The following LINGO2 variants were observed in gnomAD, a reference collection of about 807,000 sequenced individuals.
LINGO2 encodes the protein leucine-rich repeat and immunoglobulin-like domain-containing nogo receptor-interacting protein 2.
In LINGO2, 14 loss-of-function variants were observed where a neutral mutation model predicts 30.6. That is an observed-to-expected ratio of 0.46 (90% CI 0.30 to 0.72). The LOEUF is 0.72. Among genes scored for constraint, LINGO2 ranks in the 30% least tolerant of loss-of-function variants. LINGO2 has a pLI of 0.07. For missense variants in LINGO2, 729 were observed against 751.7 expected (o/e 0.97, Z 0.35); for synonymous variants, 317 against 288.5 (o/e 1.10, Z -1.00).
rs147337985 is a variant in LINGO2 at position 28,110,636 on chromosome 9, A to G, written c.-86-98231T>C. 4.0e-3 allele frequency among the ~76,000 whole-genome samples: 606 copies of G among 152,176 alleles called. 9 individuals are homozygous for G. Among genetic ancestry groups the G allele is most frequent in the African/African-American group, 0.014 (579 of 41,502 alleles). On this transcript the variant is annotated intron_variant, in intron 4 of 5. Transcript: ENST00000379992. ...TCATGCAGCCAACTAACGTATGAAA[A>G]ACTCATCATCACTGACCATCAGAGA...
At chr9:28,380,193 CAT>C (rs1016403471) in intron 2 of LINGO2, among the ~76,000 whole-genome samples, 7 of 151,998 alleles carry the variant, frequency 4.6e-5, no homozygotes, top group African/African-American at 1.7e-4. Context: ...ATCATTCACT[CAT>C]GTGTTCATTC....
chr9:28,853,138 G>A, the LINGO2 span, among the ~76,000 whole-genome samples: 1 of 152,046 alleles, frequency 6.6e-6, no homozygotes. Context: ...TACAAATGAT[G>A]TTCAAATTAA....
the LINGO2 span, among the ~76,000 whole-genome samples, chr9:29,024,729 C>G: frequency 5.9e-3 from 894 of 152,160 alleles, 8 homozygotes; most frequent in African/African-American, 0.021. Context: ...TGACATAACC[C>G]CTAACCCAGT....
At chr9:28,938,871 T>C in the LINGO2 span, among the ~76,000 whole-genome samples, 3 of 152,162 alleles carry the variant, frequency 2.0e-5, no homozygotes, top group Non-Finnish European at 4.4e-5. Context: ...TATGATTTTG[T>C]CCACTGTGTT....
At chr9:28,882,643 C>A in the LINGO2 span, among the ~76,000 whole-genome samples, 1 of 152,054 alleles carries the variant, frequency 6.6e-6, no homozygotes, top group Admixed American at 6.6e-5. Flanking sequence ...TCATTATAAC[C>A]ATCTCACACA....
At chr9:28,065,290 C>T (rs1385470279) in intron 4 of LINGO2, among the ~76,000 whole-genome samples, 2 of 151,846 alleles carry the variant, frequency 1.3e-5, no homozygotes, top group African/African-American at 4.8e-5. Flanking sequence ...TTGTTTTGTT[C>T]ACTGCCATAT....
At chr9:28,041,264 A>G (rs552182065) in intron 4 of LINGO2, among the ~76,000 whole-genome samples, 1 of 152,298 alleles carries the variant, frequency 6.6e-6, no homozygotes, top group South Asian at 2.1e-4. Context: ...TGTGGCAAGA[A>G]TTCTGGACCA....
the LINGO2 span, among the ~76,000 whole-genome samples, chr9:28,986,460 A>G: frequency 6.6e-6 from 1 of 152,140 alleles, no homozygotes; most frequent in Non-Finnish European, 1.5e-5. Flanking sequence ...AGTTCATTTT[A>G]GGTAGTATGG....
chr9:29,194,140 T>C, the LINGO2 span, among the ~76,000 whole-genome samples: 2 of 152,174 alleles, frequency 1.3e-5, no homozygotes, highest in African/African-American at 4.8e-5. Flanking sequence ...GAACAAGGTC[T>C]TGCTTACGCA....
chr9:28,736,238 G>C, the LINGO2 span, among the ~76,000 whole-genome samples: 1 of 152,098 alleles, frequency 6.6e-6, no homozygotes, highest in Non-Finnish European at 1.5e-5. Context: ...GAGGCCAATG[G>C]ACTCACCCTG....
intron 2 of LINGO2, among the ~76,000 whole-genome samples, chr9:28,430,454 T>C (rs1823617587): frequency 6.6e-6 from 1 of 152,216 alleles, no homozygotes; most frequent in South Asian, 2.1e-4. Flanking sequence ...TTCACTTCTA[T>C]GAGCCTTTGT....
At chr9:28,474,142 A>C (rs1825635302) in intron 2 of LINGO2, among the ~76,000 whole-genome samples, 1 of 152,204 alleles carries the variant, frequency 6.6e-6, no homozygotes, top group Admixed American at 6.5e-5. Context: ...GTAAATTTTC[A>C]TTGCTGACTC....
At chr9:28,880,966 G>T in the LINGO2 span, among the ~76,000 whole-genome samples, 1 of 152,004 alleles carries the variant, frequency 6.6e-6, no homozygotes, top group Non-Finnish European at 1.5e-5. Context: ...CATGTTTGTT[G>T]CTGACCTTCT....
At chr9:28,309,717 A>C (rs1020289193) in intron 3 of LINGO2, among the ~76,000 whole-genome samples, 1 of 152,104 alleles carries the variant, frequency 6.6e-6, no homozygotes, top group Non-Finnish European at 1.5e-5. Context: ...ACCAATTTTA[A>C]GAAAATGAAA....
intron 1 of LINGO2, among the ~76,000 whole-genome samples, chr9:28,644,983 A>C (rs1164842582): frequency 2.6e-5 from 4 of 152,128 alleles, no homozygotes; most frequent in Non-Finnish European, 5.9e-5. Flanking sequence ...CCAGATGATT[A>C]CAAGGACAGG....
the LINGO2 span, among the ~76,000 whole-genome samples, chr9:28,810,591 G>C: frequency 1.3e-5 from 2 of 152,118 alleles, no homozygotes; most frequent in Non-Finnish European, 1.5e-5. Context: ...CATAAAAGCA[G>C]AGAAATGGTG....
the LINGO2 span, among the ~76,000 whole-genome samples, chr9:28,880,344 C>G: frequency 6.6e-6 from 1 of 152,186 alleles, no homozygotes; most frequent in African/African-American, 2.4e-5. Context: ...TTTGCCCCAG[C>G]CACTTTGACC....
chr9:29,083,527 C>G, the LINGO2 span, among the ~76,000 whole-genome samples: 1 of 151,700 alleles, frequency 6.6e-6, no homozygotes, highest in Non-Finnish European at 1.5e-5. Context: ...CACATGTATA[C>G]ATATGTAACA....
At chr9:28,549,409 G>T (rs1209734390) in intron 1 of LINGO2, among the ~76,000 whole-genome samples, 1 of 151,988 alleles carries the variant, frequency 6.6e-6, no homozygotes, top group Admixed American at 6.6e-5. Context: ...CTAACTAAAG[G>T]AATGATGCAA....
Sources: allele counts gnomAD v4.1 joint callset (sites outside exome capture counted in the v4.1 genomes callset), GRCh38; gene constraint gnomAD v4.1.1; transcripts MANE v1.5; gene names NCBI Gene and HGNC (gene_info 2026-07-23, HGNC 2026-07-21).